Variants in ATL3 observed in about 807,000 individuals in gnomAD.
The protein encoded by ATL3 is atlastin GTPase 3, also known as atlastin-3.
In ATL3, 49 loss-of-function variants were observed where a neutral mutation model predicts 69.5. The observed-to-expected ratio is 0.71, with a 90% confidence interval of 0.56 to 0.89. The LOEUF is 0.89. Among genes scored for constraint, ATL3 ranks in the 40% least tolerant of loss-of-function variants. The pLI is 0.00. For missense variants in ATL3, 606 were observed against 645.7 expected, an observed-to-expected ratio of 0.94 and a Z score of 0.67; for synonymous variants, 214 against 224.1, an observed-to-expected ratio of 0.95 and a Z score of 0.40.
In ATL3 at chr11:63,626,465, A is replaced by C. The variant is rs1039057701; in HGVS notation, c.*2854T>G. ...TTTGTCTCATTTTATCTATGAGCCA[A>C]TCTTACAGAAAGATTTCTCAAAGAA... is the stretch of plus-strand genomic sequence containing the variant. On this transcript the variant is annotated 3_prime_UTR_variant, in exon 13 of 13. Coordinates refer to ENST00000398868, the MANE Select transcript of ATL3 (RefSeq NM_015459.5). The C allele has an allele frequency of 3.3e-5, 5 of 152,244 alleles. No individual in the cohort carries two copies. The highest frequency in any genetic ancestry group is 2.6e-4 in the Admixed American group (4 of 15,284). The allele number at this position is 152,244 out of a possible 1,614,324, so 9.4% of individuals were successfully genotyped here. A position where few individuals can be genotyped will look rare whatever the true frequency, so the allele number is the denominator to read the frequency against.
At chr11:63,641,237 A>G (rs1320818577) in intron 8 of ATL3, among the ~76,000 whole-genome samples, 1 of 152,208 alleles carries the variant, frequency 6.6e-6, no homozygotes, top group Non-Finnish European at 1.5e-5. Flanking sequence ...AAGATTGCTC[A>G]TACAGAATTT....
intron 5 of ATL3, among the ~76,000 whole-genome samples, chr11:63,649,417 T>TA (rs1002747749): frequency 3.3e-5 from 5 of 152,136 alleles, no homozygotes; most frequent in Non-Finnish European, 5.9e-5. Context: ...GTGCTGGGAT[T>TA]ACACGCATGA....
chr11:63,644,711 GTC>G (rs1337394721), intron 6 of ATL3, among the ~76,000 whole-genome samples: 1 of 152,098 alleles, frequency 6.6e-6, no homozygotes. Flanking sequence ...ATTCTGTAAT[GTC>G]TTAGAAGTTT....
At position 63,631,263 on chromosome 11, in the gene ATL3, C is replaced by G; in HGVS notation, c.1316G>C (p.Ser439Thr). 1 of 1,614,218 alleles carries G rather than the reference C, an allele frequency of 6.2e-7. No homozygotes were observed. Residue 439 changes from serine (S) to threonine (T), a missense_variant, in exon 12 of 13, where the codon AGC becomes ACC. Ser to Thr is a moderately conservative substitution (Grantham distance 58). Coordinates refer to ENST00000398868, the MANE Select transcript of ATL3 (RefSeq NM_015459.5). ...CKHNGSKNVFSTFRTPAVLFT... is the reference protein window; with the variant it reads ...CKHNGSKNVFTTFRTPAVLFT... ...CAGCACTGCAGGGGTTCGGAAGGTG[C>G]TGAAGACGTTCTTGCTACCATTGTG... is the stretch of plus-strand genomic sequence containing the variant.
intron 11 of ATL3, among the ~76,000 whole-genome samples, chr11:63,631,907 G>C (rs539582134): frequency 5.3e-5 from 8 of 152,234 alleles, no homozygotes; most frequent in African/African-American, 1.9e-4. Context: ...GCTTGAACCC[G>C]GGAGGCGGAG....
At chr11:63,671,238 G>A in intron 1 of ATL3, 52 bp downstream of exon 1, 1 of 1,538,084 alleles carries the variant, frequency 6.5e-7, no homozygotes, top group Non-Finnish European at 8.7e-7. Context: ...ACTACAGCAG[G>A]GAAGGCGGCG....
chr11:63,628,620 G>C lies in ATL3; in HGVS notation c.*699C>G, dbSNP rs1939200120. On this transcript the variant is annotated 3_prime_UTR_variant, in exon 13 of 13. Transcript: ENST00000398868. ...GCCAAGGCGGGCAGGCGGATCACAA[G>C]GTCAAGAGACCAAGACCATCCTGGC... 6.6e-6 allele frequency: 1 copy of C among 152,124 alleles called. No homozygotes were observed. Among genetic ancestry groups the C allele is most frequent in the South Asian group, 2.1e-4 (1 of 4,826 alleles). The allele number at this position is 152,124 out of a possible 1,614,324, so 9.4% of individuals were successfully genotyped here. A position where few individuals can be genotyped will look rare whatever the true frequency, so the allele number is the denominator to read the frequency against.
At chr11:63,668,789 CCT>C (rs1491284593) in intron 1 of ATL3, among the ~76,000 whole-genome samples, 55 of 103,274 alleles carry the variant, frequency 5.3e-4, no homozygotes, top group African/African-American at 1.8e-3. Flanking sequence ...TAGCTGTGTT[CCT>C]TTTTTTTTTT....
At chr11:63,636,006 A>G (rs1473028988) in intron 9 of ATL3, among the ~76,000 whole-genome samples, 1 of 150,948 alleles carries the variant, frequency 6.6e-6, no homozygotes, top group Non-Finnish European at 1.5e-5. Flanking sequence ...AAGAGAGTGC[A>G]AAGAACATCC....
chr11:63,660,976 G>A (rs1398503014), intron 1 of ATL3, among the ~76,000 whole-genome samples: 1 of 151,808 alleles, frequency 6.6e-6, no homozygotes, highest in African/African-American at 2.4e-5. Context: ...CACTTTGGGA[G>A]GCCAAGGCAA....
At chr11:63,630,143 T>C (rs193217730) in intron 12 of ATL3, among the ~76,000 whole-genome samples, 34 of 151,692 alleles carry the variant, frequency 2.2e-4, no homozygotes, top group Admixed American at 1.8e-3. Context: ...CCAGGCGCAA[T>C]AGCTCATGCC....
Position 63,659,084 on chromosome 11 carries a change from C to A in ATL3, c.215G>T (p.Gly72Val). Residue 72 changes from glycine (G) to valine (V), a missense_variant, in exon 2 of 13, where the codon GGC becomes GTC. Coordinates refer to ENST00000398868, the MANE Select transcript of ATL3 (RefSeq NM_015459.5). Reference sequence around the variant, plus strand: ...CATAAAATCCAGAATGAAGGACTTGCCCTTTCGGAAGGCACCAGCCACTGA... The same window carrying A: ...CATAAAATCCAGAATGAAGGACTTGACCTTTCGGAAGGCACCAGCCACTGA... ...VVSVAGAFRK[G>V]KSFILDFMLR... 6.2e-7 allele frequency: 1 copy of A among 1,613,968 alleles called. No individual in the cohort carries two copies. Among genetic ancestry groups the A allele is most frequent in the Non-Finnish European group, 8.5e-7 (1 of 1,180,020 alleles).
At chr11:63,653,677 C>G (rs994381653) in intron 3 of ATL3, among the ~76,000 whole-genome samples, 1 of 152,148 alleles carries the variant, frequency 6.6e-6, no homozygotes, top group African/African-American at 2.4e-5. Flanking sequence ...AATGAACTAT[C>G]AAGACACGAA....
chr11:63,667,138 C>G (rs1390206949), intron 1 of ATL3, among the ~76,000 whole-genome samples: 1 of 152,100 alleles, frequency 6.6e-6, no homozygotes. Context: ...TATTTAGTAG[C>G]CTTCTCACTG....
intron 3 of ATL3, 130 bp downstream of exon 3, chr11:63,658,631 T>C (rs1392946626): frequency 3.7e-6 from 4 of 1,088,064 alleles, no homozygotes; most frequent in Non-Finnish European, 3.7e-6. Flanking sequence ...ACAGGGACTT[T>C]TTAACTTTTC....
chr11:63,632,765 T>C (rs1939365201), intron 11 of ATL3: 2 of 927,864 alleles, frequency 2.2e-6, no homozygotes, highest in Non-Finnish European at 3.5e-6. Flanking sequence ...CTCCTGCTCA[T>C]GTGAATTTAT....
Position 63,643,513 on chromosome 11 carries a change from G to C in ATL3, c.712-18C>G, listed in dbSNP as rs12274980. ...TCCTTCACCTGCCAATGAAGACCAA[G>C]AATTTACCAACCAAAAGTCATTTGG... On this transcript the variant is annotated intron_variant, in intron 7 of 12. Transcript: ENST00000398868. The C allele has an allele frequency of 0.15, 243,106 of 1,594,846 alleles. 22,285 individuals carry two copies. Among genetic ancestry groups the C allele is most frequent in the African/African-American group, 0.42 (30,826 of 74,278 alleles).
At chr11:63,647,523 A>G (rs150599142) in intron 5 of ATL3, among the ~76,000 whole-genome samples, 52 of 152,292 alleles carry the variant, frequency 3.4e-4, no homozygotes, top group African/African-American at 1.3e-3. Flanking sequence ...ATTTATCATT[A>G]TCTAATATAC....
chr11:63,644,127 C>CT, intron 7 of ATL3, 42 bp downstream of exon 7: 1 of 1,329,176 alleles, frequency 7.5e-7, no homozygotes, highest in Non-Finnish European at 1.1e-6. Flanking sequence ...AAAGCTATCA[C>CT]TACTTTGAGA....
Sources: gnomAD v4.1 joint callset for allele counts (sites outside exome capture counted in the v4.1 genomes callset) on GRCh38, gnomAD v4.1.1 for gene constraint, MANE v1.5 for transcripts, NCBI Gene and HGNC (gene_info 2026-07-23, HGNC 2026-07-21) for gene names.